The following PTPRT variants were observed in gnomAD, a reference collection of about 807,000 sequenced individuals.
The protein encoded by PTPRT is protein tyrosine phosphatase receptor type T, also known as receptor-type tyrosine-protein phosphatase T.
A neutral mutation model predicts 176.8 loss-of-function variants in PTPRT; 56 were observed. That is an observed-to-expected ratio of 0.32 (90% CI 0.26 to 0.40). The LOEUF (loss-of-function observed/expected upper bound fraction) is 0.40, where lower values mean the gene tolerates loss of function less well. Ranked by LOEUF, PTPRT falls within the 10% of genes least tolerant of loss-of-function variation. The pLI is 1.00. For missense variants in PTPRT, 1,540 were observed against 1,908.2 expected (o/e 0.81, Z 3.60); for synonymous variants, 783 against 739.0 (o/e 1.06, Z -0.96).
In PTPRT at chr20:42,102,284, A is replaced by T. The variant is rs1033432079; in HGVS notation, c.3554T>A (p.Val1185Glu). Residue 1185 changes from valine to glutamate, a missense_variant, in exon 26 of 31, where the codon GTG (valine) becomes GAG (glutamate). Val to Glu is a moderately radical substitution (Grantham distance 121). Transcript: ENST00000373187. ...GTCCTCGGGCCGCACACGGGGTGTCACAATGTTGAGGGTCTGTGGGGCACA... is the reference window on the plus strand; with the variant it reads ...GTCCTCGGGCCGCACACGGGGTGTCTCAATGTTGAGGGTCTGTGGGGCACA... ...IKDEFQTLNIVTPRVRPEDCS... is the reference protein window; with the variant it reads ...IKDEFQTLNIETPRVRPEDCS... The T allele has an allele frequency of 6.2e-7, 1 of 1,613,922 alleles. No homozygotes were observed. Among genetic ancestry groups the T allele is most frequent in the Non-Finnish European group, 8.5e-7 (1 of 1,179,938 alleles).
chr20:42,280,214 G>T (rs1318034769), intron 13 of PTPRT, among the ~76,000 whole-genome samples: 1 of 152,144 alleles, frequency 6.6e-6, no homozygotes, highest in Non-Finnish European at 1.5e-5. Context: ...ATAATAGATA[G>T]GGTTTGCCTT....
At chr20:42,463,446 G>C (rs905956978) in intron 8 of PTPRT, among the ~76,000 whole-genome samples, 2 of 152,036 alleles carry the variant, frequency 1.3e-5, no homozygotes, top group East Asian at 3.9e-4. Context: ...TTTTAACTGT[G>C]CTTCTTGTCA....
intron 13 of PTPRT, among the ~76,000 whole-genome samples, chr20:42,252,777 G>A (rs2056568603): frequency 6.6e-6 from 1 of 152,222 alleles, no homozygotes; most frequent in Admixed American, 6.5e-5. Flanking sequence ...ACATTCAGGG[G>A]ATTCGGAGAG....
chr20:42,780,787 C>A (rs1267980965), intron 3 of PTPRT, among the ~76,000 whole-genome samples: 1 of 152,186 alleles, frequency 6.6e-6, no homozygotes, highest in Non-Finnish European at 1.5e-5. Flanking sequence ...TCTATAATAA[C>A]ACTCTTAAAA....
intron 1 of PTPRT, among the ~76,000 whole-genome samples, chr20:42,953,138 G>A (rs554200205): frequency 6.6e-6 from 1 of 152,336 alleles, no homozygotes; most frequent in Middle Eastern, 3.4e-3. Flanking sequence ...TTCTGAGGGT[G>A]GAGGAAAGGA....
In PTPRT at chr20:42,916,506, T is replaced by G. The variant is rs149852354; in HGVS notation, c.89-30574A>C. 5.3e-3 allele frequency among the ~76,000 whole-genome samples: 803 copies of G among 152,352 alleles called. 9 individuals carry two copies. Among genetic ancestry groups the G allele is most frequent in the African/African-American group, 0.018 (758 of 41,574 alleles). On this transcript the variant is annotated intron_variant, in intron 1 of 30. Transcript: ENST00000373187. ...GTAATGGGATTGCTGGGTTAAATGC[T>G]ATTTCTAGTTCTAGATCCCTGAGGA...
chr20:43,050,273 A>G (rs1986992913), intron 1 of PTPRT, among the ~76,000 whole-genome samples: 1 of 152,236 alleles, frequency 6.6e-6, no homozygotes, highest in African/African-American at 2.4e-5. Context: ...GCATTGGGAC[A>G]CACGACTGGT....
chr20:43,100,428 A>T (rs1158730723), intron 1 of PTPRT, among the ~76,000 whole-genome samples: 1 of 152,186 alleles, frequency 6.6e-6, no homozygotes, highest in Non-Finnish European at 1.5e-5. Flanking sequence ...AAATCACTGC[A>T]CCGAGTCAGT....
At chr20:42,448,997 T>C (rs1410067974) in intron 8 of PTPRT, among the ~76,000 whole-genome samples, 4 of 152,190 alleles carry the variant, frequency 2.6e-5, no homozygotes. Flanking sequence ...TTAGGATTTG[T>C]ATTTGAGAAA....
Position 42,076,330 on chromosome 20 carries a change from C to T in PTPRT, c.*4549G>A, listed in dbSNP as rs1982769578. 3.0e-5 allele frequency: 6 copies of T among 199,426 alleles called. No individual in the cohort carries two copies. The East Asian group carries it at 4.6e-4, about 15-fold the overall frequency. 12.4% of individuals were successfully genotyped at this position (199,426 alleles called of 1,614,324 possible). A position where few individuals can be genotyped will look rare whatever the true frequency, so the allele number is the denominator to read the frequency against. On this transcript the variant is annotated 3_prime_UTR_variant, in exon 31 of 31. Coordinates refer to ENST00000373187, the MANE Select transcript of PTPRT (RefSeq NM_007050.6). ...CCACATTAGCAACCATGTGACTCCA[C>T]TTGGACAACAGGCACCACTTTCCAG...
chr20:43,011,881 C>T (rs1985144898), intron 1 of PTPRT, among the ~76,000 whole-genome samples: 1 of 152,194 alleles, frequency 6.6e-6, no homozygotes, highest in African/African-American at 2.4e-5. Context: ...AAGGACTTGA[C>T]TTGCTGAGTC....
intron 1 of PTPRT, among the ~76,000 whole-genome samples, chr20:43,070,623 C>T (rs1600691195): frequency 6.6e-6 from 1 of 152,252 alleles, no homozygotes; most frequent in East Asian, 1.9e-4. Flanking sequence ...GGCACATATA[C>T]ACCATGGAAT....
intron 2 of PTPRT, among the ~76,000 whole-genome samples, chr20:42,868,397 T>C (rs980923217): frequency 3.3e-5 from 5 of 152,212 alleles, no homozygotes; most frequent in Non-Finnish European, 7.3e-5. Flanking sequence ...CATGCCCATG[T>C]CTCAATGCTT....
intron 21 of PTPRT, 64 bp downstream of exon 21, chr20:42,118,339 C>G (rs1254468917): frequency 2.4e-5 from 34 of 1,427,634 alleles, no homozygotes; most frequent in Non-Finnish European, 3.8e-6. Context: ...ATGCATGGAA[C>G]AAAGAGATGT....
chr20:42,165,537 C>T (rs1989788501), intron 16 of PTPRT, among the ~76,000 whole-genome samples: 1 of 152,146 alleles, frequency 6.6e-6, no homozygotes, highest in African/African-American at 2.4e-5. Flanking sequence ...TGTCTCTTGC[C>T]ATAGTTGTGT....
intron 12 of PTPRT, among the ~76,000 whole-genome samples, chr20:42,283,408 T>C (rs1269652592): frequency 6.6e-6 from 1 of 152,292 alleles, no homozygotes; most frequent in African/African-American, 2.4e-5. Context: ...CTTGTCTTGC[T>C]GCAGCTCATT....
chr20:43,059,933 T>C (rs1030741247), intron 1 of PTPRT, among the ~76,000 whole-genome samples: 2 of 152,078 alleles, frequency 1.3e-5, no homozygotes, highest in African/African-American at 4.8e-5. Context: ...GAGCTGAGAT[T>C]GTGCCATTGT....
At chr20:42,428,593 C>A (rs1159018894) in intron 9 of PTPRT, among the ~76,000 whole-genome samples, 1 of 152,162 alleles carries the variant, frequency 6.6e-6, no homozygotes, top group Non-Finnish European at 1.5e-5. Flanking sequence ...CCAAAGCCAT[C>A]AGGTCAAGCA....
intron 9 of PTPRT, among the ~76,000 whole-genome samples, chr20:42,412,981 T>C (rs73121625): frequency 0.013 from 2,052 of 152,300 alleles, 22 homozygotes; most frequent in Non-Finnish European, 0.02. Context: ...TATACAACTA[T>C]ACATTTATCA....
Sources: gnomAD v4.1 joint callset for allele counts (sites outside exome capture counted in the v4.1 genomes callset) on GRCh38, gnomAD v4.1.1 for gene constraint, MANE v1.5 for transcripts, NCBI Gene and HGNC (gene_info 2026-07-23, HGNC 2026-07-21) for gene names.